Variants in ZMYND11 observed in about 807,000 individuals in gnomAD.
ZMYND11 encodes zinc finger MYND-type containing 11.
A neutral mutation model predicts 84.9 loss-of-function variants in ZMYND11; 9 were observed. The ratio of observed to expected loss-of-function variants is 0.11; its 90% CI spans 0.06 to 0.18. The LOEUF (loss-of-function observed/expected upper bound fraction) is 0.18, where lower values mean the gene tolerates loss of function less well. Among genes scored for constraint, ZMYND11 ranks in the 10% least tolerant of loss-of-function variants. ZMYND11 has a pLI of 1.00. For synonymous variants in ZMYND11, 250 were observed against 244.1 expected, an observed-to-expected ratio of 1.02 and a Z score of -0.23; for missense variants, 409 against 761.0, an observed-to-expected ratio of 0.54 and a Z score of 5.44.
chr10:213,721 C>G (rs562941438), intron 3 of ZMYND11, among the ~76,000 whole-genome samples: 23 of 152,152 alleles, frequency 1.5e-4, no homozygotes, highest in Non-Finnish European at 2.9e-4. Context: ...AGCAAAGAGT[C>G]TGGACTCTTG....
intron 3 of ZMYND11, among the ~76,000 whole-genome samples, chr10:214,898 ATATAAG>A (rs1464400367): frequency 2.0e-5 from 3 of 152,218 alleles, no homozygotes; most frequent in African/African-American, 4.8e-5. Flanking sequence ...TCTGTGATAA[ATATAAG>A]TTAATATCTT....
At chr10:187,619 G>A (rs1007511451) in intron 2 of ZMYND11, among the ~76,000 whole-genome samples, 9 of 122,992 alleles carry the variant, frequency 7.3e-5, no homozygotes, top group East Asian at 7.3e-4. Context: ...GGGCTAAACA[G>A]CGGGACTCCG....
intron 2 of ZMYND11, among the ~76,000 whole-genome samples, chr10:204,237 T>G (rs1422080228): frequency 6.6e-6 from 1 of 152,200 alleles, no homozygotes; most frequent in African/African-American, 2.4e-5. Context: ...TTAATCAGTC[T>G]TTCTACCAAT....
chr10:245,980 T>C lies in ZMYND11; in HGVS notation c.951-786T>C, dbSNP rs147328469. On this transcript the variant is annotated intron_variant, in intron 10 of 14. Coordinates refer to ENST00000381604, the MANE Select transcript of ZMYND11 (RefSeq NM_001370100.5). Reference sequence around the variant, plus strand: ...AAGATCACGTAGACCCCATTCACTTTTCCATTCTTCTTAGTGCCTTCCCCT... The same window carrying C: ...AAGATCACGTAGACCCCATTCACTTCTCCATTCTTCTTAGTGCCTTCCCCT... Among the ~76,000 whole-genome samples, 1,024 of 152,340 alleles carry C rather than the reference T, an allele frequency of 6.7e-3. 13 individuals carry two copies. The highest frequency in any genetic ancestry group is 0.022 in the African/African-American group (908 of 41,578).
chr10:204,574 A>G (rs1209243714), intron 2 of ZMYND11, among the ~76,000 whole-genome samples: 4 of 152,156 alleles, frequency 2.6e-5, no homozygotes, highest in South Asian at 2.1e-4. Flanking sequence ...CTCCTTATCA[A>G]CTTTTATAAC....
At chr10:165,589 C>T (rs1488364931) in intron 1 of ZMYND11, among the ~76,000 whole-genome samples, 3 of 152,124 alleles carry the variant, frequency 2.0e-5, no homozygotes, top group Non-Finnish European at 4.4e-5. Context: ...TCCCAGATTT[C>T]TTATCTCAGT....
intron 1 of ZMYND11, among the ~76,000 whole-genome samples, chr10:151,372 G>T (rs1334685877): frequency 6.6e-6 from 1 of 152,206 alleles, no homozygotes; most frequent in Non-Finnish European, 1.5e-5. Flanking sequence ...GTCTTTAAAT[G>T]ACCTGATGGA....
intron 1 of ZMYND11, among the ~76,000 whole-genome samples, chr10:159,915 G>A (rs1353300066): frequency 2.0e-5 from 3 of 151,954 alleles, no homozygotes; most frequent in Non-Finnish European, 4.4e-5. Flanking sequence ...CATATCATAG[G>A]TGCCATCTGC....
chr10:149,169 C>T (rs1054410752), intron 1 of ZMYND11, among the ~76,000 whole-genome samples: 1 of 151,748 alleles, frequency 6.6e-6, no homozygotes, highest in African/African-American at 2.4e-5. Context: ...CGAAACTTGC[C>T]CACTCCAGTC....
At chr10:142,557 T>G (rs1156752882) in intron 1 of ZMYND11, among the ~76,000 whole-genome samples, 1 of 152,166 alleles carries the variant, frequency 6.6e-6, no homozygotes, top group African/African-American at 2.4e-5. Flanking sequence ...CATAGAGACA[T>G]AATCAAATTG....
At chr10:180,259 A>G in intron 2 of ZMYND11, 131 bp downstream of exon 2, 1 of 592,272 alleles carries the variant, frequency 1.7e-6, no homozygotes, top group Non-Finnish European at 2.9e-6. Context: ...TTTGCTTTGC[A>G]GGAGTATTAT....
chr10:140,328 G>T (rs1164160817), intron 1 of ZMYND11, among the ~76,000 whole-genome samples: 1 of 152,206 alleles, frequency 6.6e-6, no homozygotes, highest in Non-Finnish European at 1.5e-5. Flanking sequence ...AACATATGCA[G>T]AAATGATTTA....
intron 4 of ZMYND11, among the ~76,000 whole-genome samples, chr10:222,184 C>A (rs1033762057): frequency 2.6e-5 from 4 of 152,098 alleles, no homozygotes; most frequent in African/African-American, 7.2e-5. Flanking sequence ...TAATAACTTG[C>A]GTAATTTAAG....
chr10:134,053 G>C (rs976212085), upstream of ZMYND11, among the ~76,000 whole-genome samples: 5 of 152,090 alleles, frequency 3.3e-5, no homozygotes, highest in East Asian at 3.9e-4. Flanking sequence ...TTTCAGGTGG[G>C]GACACGTGCC....
At chr10:147,067 A>G (rs909045414) in intron 1 of ZMYND11, among the ~76,000 whole-genome samples, 1 of 152,258 alleles carries the variant, frequency 6.6e-6, no homozygotes, top group African/African-American at 2.4e-5. Flanking sequence ...TTGTTGGTAT[A>G]TAGCAGCACT....
At chr10:199,028 C>T (rs1942457861) in intron 2 of ZMYND11, among the ~76,000 whole-genome samples, 1 of 152,162 alleles carries the variant, frequency 6.6e-6, no homozygotes, top group African/African-American at 2.4e-5. Context: ...CTTGGTGCAC[C>T]TGAATTACAG....
intron 2 of ZMYND11, among the ~76,000 whole-genome samples, chr10:193,631 A>C (rs1181826327): frequency 6.6e-6 from 1 of 152,224 alleles, no homozygotes; most frequent in South Asian, 2.1e-4. Flanking sequence ...TCCTTGAGGA[A>C]GTCATTTTCT....
intron 1 of ZMYND11, among the ~76,000 whole-genome samples, chr10:154,035 T>TCACAA (rs147285511): frequency 0.019 from 2,953 of 152,258 alleles, 89 homozygotes; most frequent in African/African-American, 0.067. Flanking sequence ...GCTTTCAGCT[T>TCACAA]CACAACATTG....
chr10:163,544 A>G (rs1162894387), intron 1 of ZMYND11, among the ~76,000 whole-genome samples: 3 of 152,274 alleles, frequency 2.0e-5, no homozygotes, highest in East Asian at 3.9e-4. Flanking sequence ...AATGTTCCTG[A>G]ATATTCCTAC....
Sources: gnomAD v4.1 joint callset for allele counts (sites outside exome capture counted in the v4.1 genomes callset) on GRCh38, gnomAD v4.1.1 for gene constraint, MANE v1.5 for transcripts, NCBI Gene and HGNC (gene_info 2026-07-23, HGNC 2026-07-21) for gene names.